BEND2: variants seen among roughly 807,000 people sequenced by gnomAD.
BEND2 encodes the protein BEN domain-containing protein 2.
A neutral mutation model predicts 43.8 loss-of-function variants in BEND2; 19 were observed. The observed-to-expected ratio is 0.43, with a 90% CI of 0.30 to 0.64. The LOEUF is 0.64. Among genes scored for constraint, BEND2 ranks in the 30% least tolerant of loss-of-function variants. The pLI is 0.11. For missense variants in BEND2, 544 were observed against 574.0 expected, an observed-to-expected ratio of 0.95 and a Z score of 0.53; for synonymous variants, 226 against 210.1, an observed-to-expected ratio of 1.08 and a Z score of -0.66.
intron 1 of BEND2, among the ~76,000 whole-genome samples, chrX:18,218,654 G>T (rs1925746665): frequency 8.9e-6 from 1 of 112,335 alleles, no homozygotes; most frequent in Admixed American, 9.4e-5. Flanking sequence ...CTTGGGGTCA[G>T]GAGTTCGAGA....
intron 4 of BEND2, among the ~76,000 whole-genome samples, chrX:18,207,352 A>C (rs1486598402): frequency 8.9e-6 from 1 of 111,836 alleles, no homozygotes; most frequent in Non-Finnish European, 1.9e-5. Flanking sequence ...ATCTTTACCA[A>C]CATGGTGATT....
intron 5 of BEND2, among the ~76,000 whole-genome samples, chrX:18,202,429 G>A (rs1429523456): frequency 1.8e-5 from 2 of 112,020 alleles, no homozygotes; most frequent in Non-Finnish European, 3.8e-5. Context: ...GGACCTTTAA[G>A]ATGATTAAGC....
At chrX:18,218,733 G>A (rs1427082622) in intron 1 of BEND2, among the ~76,000 whole-genome samples, 1 of 111,621 alleles carries the variant, frequency 9.0e-6, no homozygotes, top group South Asian at 3.8e-4. Context: ...GGTGGCGTGC[G>A]CCTGTAGTCC....
rs760847001 is a variant in BEND2 at position 18,174,209 on chromosome X, G to T, written c.1802C>A (p.Ser601Tyr). Residue 601 changes from serine (S) to tyrosine (Y), a missense_variant, in exon 12 of 14, where the codon TCT becomes TAT. Ser to Tyr is a moderately radical substitution (Grantham distance 144, BLOSUM62 -2). Transcript: ENST00000380033. ...GCCCCTTTGGTCATTTCTATCTGCAGATGCCGATGCAACACGGTTGGTACG... is the reference window on the plus strand; with the variant it reads ...GCCCCTTTGGTCATTTCTATCTGCATATGCCGATGCAACACGGTTGGTACG... ...KKRTNRVASA[S>Y]ADRNDQRGRD... 1.7e-6 allele frequency: 2 copies of T among 1,210,099 alleles called. No homozygotes were observed. The highest frequency in any genetic ancestry group is 3.5e-5 in the African/African-American group (2 of 57,215).
rs939530919 is a variant in BEND2 at position 18,220,598 on chromosome X, C to T, written c.25+128G>A. ...TGGCCAATACCCAGAGGCCGCCCCC[C>T]GACACGCCCCGGTCAATGACTAGCC... On this transcript the variant is annotated intron_variant, in intron 1 of 13. Coordinates refer to ENST00000380033, the MANE Select transcript of BEND2 (RefSeq NM_153346.5). 8 of 982,749 alleles carry T rather than the reference C, an allele frequency of 8.1e-6. No homozygotes were observed. In the African/African-American group the frequency reaches 1.2e-4, roughly 14 times the overall value. 81.0% of individuals were successfully genotyped at this position (982,749 alleles called of 1,213,427 possible). A position where few individuals can be genotyped will look rare whatever the true frequency, so the allele number is the denominator to read the frequency against.
chrX:18,216,774 TTAAA>T, intron 1 of BEND2, 41 bp from the exon 2 acceptor site: 1 of 999,025 alleles, frequency 1.0e-6, no homozygotes, highest in Non-Finnish European at 1.4e-6. Flanking sequence ...CAATATCACA[TTAAA>T]TAAACAGTTT....
intron 7 of BEND2, among the ~76,000 whole-genome samples, chrX:18,192,671 A>G (rs1924809521): frequency 8.9e-6 from 1 of 112,615 alleles, no homozygotes; most frequent in South Asian, 3.7e-4. Context: ...CTTTACTTGT[A>G]ATAGTCAAAA....
intron 13 of BEND2, among the ~76,000 whole-genome samples, chrX:18,170,744 G>A (rs1923946315): frequency 8.9e-6 from 1 of 112,108 alleles, no homozygotes; most frequent in African/African-American, 3.2e-5. Flanking sequence ...GCAGTCCATA[G>A]CAGGGAGCCA....
At chrX:18,194,464 A>G (rs1924873978) in intron 7 of BEND2, among the ~76,000 whole-genome samples, 1 of 111,279 alleles carries the variant, frequency 9.0e-6, no homozygotes, top group Admixed American at 9.6e-5. Context: ...ACTATTCATC[A>G]ATAGAAAGAA....
intron 12 of BEND2, among the ~76,000 whole-genome samples, chrX:18,172,183 C>T (rs115209756): frequency 0.053 from 5,862 of 109,833 alleles, 423 homozygotes; most frequent in African/African-American, 0.18. Context: ...TTAGAACATC[C>T]ATCATTTAAT....
chrX:18,220,576 C>A (rs1925839386), intron 1 of BEND2, 150 bp downstream of exon 1: 11 of 825,859 alleles, frequency 1.3e-5, no homozygotes, highest in Non-Finnish European at 1.9e-5. Flanking sequence ...CGGCAGATGG[C>A]CAATACCCAG....
intron 12 of BEND2, among the ~76,000 whole-genome samples, chrX:18,173,827 A>ACAAT (rs768094672): frequency 5.4e-5 from 6 of 111,891 alleles, no homozygotes; most frequent in African/African-American, 1.9e-4. Context: ...AGGAAAAATA[A>ACAAT]CAATCAGTCT....
intron 6 of BEND2, 25 bp downstream of exon 6, chrX:18,201,790 G>A: frequency 8.4e-7 from 1 of 1,194,848 alleles, no homozygotes; most frequent in South Asian, 1.8e-5. Context: ...ACCACGCCCA[G>A]CATTATGTAT....
At chrX:18,211,794 A>T (rs1339555070) in intron 4 of BEND2, among the ~76,000 whole-genome samples, 2 of 110,771 alleles carry the variant, frequency 1.8e-5, no homozygotes, top group African/African-American at 6.6e-5. Context: ...GAAAAAAAAA[A>T]AAATGGGTAA....
intron 11 of BEND2, among the ~76,000 whole-genome samples, chrX:18,174,670 G>C (rs1048011428): frequency 8.9e-6 from 1 of 112,059 alleles, no homozygotes; most frequent in Non-Finnish European, 1.9e-5. Flanking sequence ...TTCAGGATCT[G>C]TAAAAACAAA....
intron 8 of BEND2, among the ~76,000 whole-genome samples, chrX:18,185,209 G>A (rs187618873): frequency 1.8e-5 from 2 of 109,825 alleles, no homozygotes; most frequent in African/African-American, 6.6e-5. Context: ...AGAGGACATC[G>A]AGAGAAAGAT....
At chrX:18,183,042 CAAAAAAAAAA>C (rs56812732) in intron 8 of BEND2, among the ~76,000 whole-genome samples, 13 of 40,788 alleles carry the variant, frequency 3.2e-4, no homozygotes, top group African/African-American at 1.2e-3. Context: ...ACTCTGTCTC[CAAAAAAAAAA>C]AAAAAAAAAA....
intron 4 of BEND2, among the ~76,000 whole-genome samples, chrX:18,205,432 C>A (rs1387479210): frequency 1.3e-4 from 14 of 106,587 alleles, no homozygotes; most frequent in Admixed American, 1.0e-3. Flanking sequence ...AAAACTCCGT[C>A]TCTAGAAAAA....
rs57898259 is a variant in BEND2, at chrX:18,176,368, CAA to C, written c.1631-277_1631-276del. The stretch of plus-strand genomic sequence containing the variant: ...AAGCTAATATTGAGCTCTTGGTGCT[CAA>C]AAAAAAAAAAAAAAAAAAAGTGTGT... On this transcript the variant is annotated intron_variant, in intron 10 of 13. Transcript: ENST00000380033. Among the ~76,000 whole-genome samples, 68 of 58,279 alleles carry C rather than the reference CAA, an allele frequency of 1.2e-3. No individual in the cohort carries two copies. In the East Asian group the frequency reaches 0.037, roughly 32 times the overall value. 50.6% of individuals were successfully genotyped at this position (58,279 alleles called of 115,157 possible). A position where few individuals can be genotyped will look rare whatever the true frequency, so the allele number is the denominator to read the frequency against.
Sources: gnomAD v4.1 joint callset for allele counts (sites outside exome capture counted in the v4.1 genomes callset) on GRCh38, gnomAD v4.1.1 for gene constraint, MANE v1.5 for transcripts, NCBI Gene and HGNC (gene_info 2026-07-23, HGNC 2026-07-21) for gene names.